The following KDM2A variants were observed in gnomAD, a reference collection of about 807,000 sequenced individuals.
KDM2A encodes lysine demethylase 2A, also known as lysine-specific demethylase 2A.
In KDM2A, 3 loss-of-function variants were observed where a neutral mutation model predicts 137.3. That is an observed-to-expected ratio of 0.02 (90% CI 0.01 to 0.06). The LOEUF (loss-of-function observed/expected upper bound fraction) is 0.06, where lower values mean the gene tolerates loss of function less well. KDM2A is among the 10% of genes least tolerant of loss of function. KDM2A has a pLI of 1.00. For missense variants in KDM2A, 738 were observed against 1,510.6 expected (o/e 0.49, Z 8.48); for synonymous variants, 512 against 541.5 (o/e 0.95, Z 0.76).
intron 2 of KDM2A, among the ~76,000 whole-genome samples, chr11:67,138,146 A>G (rs999829810): frequency 3.3e-5 from 5 of 152,146 alleles, no homozygotes; most frequent in Non-Finnish European, 7.3e-5. Flanking sequence ...TTGTTGAGTG[A>G]AATGCCGTTA....
chr11:67,211,574 A>G lies in KDM2A; in HGVS notation c.487-3766A>G, dbSNP rs147666119. Among the ~76,000 whole-genome samples the G allele has an allele frequency of 7.4e-3, 933 of 126,468 alleles. 12 individuals are homozygous for G. The highest frequency in any genetic ancestry group is 0.025 in the African/African-American group (863 of 34,290). 83.0% of individuals were successfully genotyped at this position (126,468 alleles called of 152,430 possible). On this transcript the variant is annotated intron_variant, in intron 6 of 20. Transcript: ENST00000529006. ...GGTTGCAGTGAGCCATGATCACACC[A>G]CTGCACTCCAGCCTGGGTGACACAG... is the stretch of plus-strand genomic sequence containing the variant.
chr11:67,202,272 T>C (rs1370879029), intron 5 of KDM2A, among the ~76,000 whole-genome samples: 2 of 152,184 alleles, frequency 1.3e-5, no homozygotes, highest in South Asian at 2.1e-4. Context: ...GTGGAGATGC[T>C]GTAAACATTG....
At chr11:67,125,267 A>C (rs1821124387) in intron 2 of KDM2A, among the ~76,000 whole-genome samples, 2 of 150,856 alleles carry the variant, frequency 1.3e-5, no homozygotes, top group African/African-American at 4.9e-5. Context: ...TGCAGCCTCG[A>C]CATCCTGGTC....
At chr11:67,137,460 TGATTCTATGATTGA>T (rs1180746369) in intron 2 of KDM2A, among the ~76,000 whole-genome samples, 19 of 152,262 alleles carry the variant, frequency 1.2e-4, no homozygotes, top group Admixed American at 9.2e-4. Context: ...GAGAGGAGAT[TGATTCTATGATTGA>T]GATTCTATGA....
At chr11:67,204,757 C>G (rs760699418) in intron 5 of KDM2A, among the ~76,000 whole-genome samples, 12 of 152,118 alleles carry the variant, frequency 7.9e-5, no homozygotes, top group Non-Finnish European at 1.5e-4. Flanking sequence ...TCCCAAAGTG[C>G]TGGGATTACA....
intron 2 of KDM2A, among the ~76,000 whole-genome samples, chr11:67,150,146 G>A (rs1565378820): frequency 6.6e-6 from 1 of 152,306 alleles, no homozygotes; most frequent in East Asian, 1.9e-4. Context: ...TAATTAAAGG[G>A]AAGAAACTAA....
intron 2 of KDM2A, among the ~76,000 whole-genome samples, chr11:67,163,724 TGC>T (rs1856684839): frequency 1.3e-5 from 2 of 151,904 alleles, no homozygotes; most frequent in African/African-American, 4.8e-5. Flanking sequence ...GGCGTGGTGG[TGC>T]GTACCTGTAA....
At position 67,169,310 on chromosome 11, in the gene KDM2A, A is replaced by T. The variant is rs888505227; in HGVS notation, c.43-10769A>T. 1.4e-4 allele frequency among the ~76,000 whole-genome samples: 21 copies of T among 151,696 alleles called. 1 individual carries two copies. Among genetic ancestry groups the T allele is most frequent in the Admixed American group, 4.6e-4 (7 of 15,238 alleles). Reference sequence around the variant, plus strand: ...ACAATGCCCTAAATTTTTTTTTTTTAAATCGTATCACAGTGTGAGACATGA... The same window carrying T: ...ACAATGCCCTAAATTTTTTTTTTTTTAATCGTATCACAGTGTGAGACATGA... On this transcript the variant is annotated intron_variant, in intron 2 of 20. Coordinates refer to ENST00000529006, the MANE Select transcript of KDM2A (RefSeq NM_012308.3).
chr11:67,158,757 C>T (rs12293258), intron 2 of KDM2A, among the ~76,000 whole-genome samples: 5 of 151,952 alleles, frequency 3.3e-5, no homozygotes, highest in African/African-American at 4.8e-5. Flanking sequence ...CCAAAGTGCT[C>T]GTATTATAGG....
At chr11:67,192,440 T>TC (rs1326583670) in intron 5 of KDM2A, among the ~76,000 whole-genome samples, 1 of 123,506 alleles carries the variant, frequency 8.1e-6, no homozygotes, top group African/African-American at 3.8e-5. Flanking sequence ...TTTCTTTTTT[T>TC]TTTTTTTTTT....
rs113642468 is a variant in KDM2A at position 67,172,523 on chromosome 11, T to A, written c.43-7556T>A. On this transcript the variant is annotated intron_variant, in intron 2 of 20. Coordinates refer to ENST00000529006, the MANE Select transcript of KDM2A (RefSeq NM_012308.3). ...GTTAAATTTATTCCTTAGTTTTTTTTATGCTATTATAAATGGATTTTTTTT... is the reference window on the plus strand; with the variant it reads ...GTTAAATTTATTCCTTAGTTTTTTTAATGCTATTATAAATGGATTTTTTTT... 5.6e-3 allele frequency among the ~76,000 whole-genome samples: 857 copies of A among 152,280 alleles called. 3 individuals are homozygous for A. The highest frequency in any genetic ancestry group is 0.02 in the African/African-American group (833 of 41,562).
intron 7 of KDM2A, 133 bp downstream of exon 7, chr11:67,215,579 T>A: frequency 1.5e-6 from 1 of 665,108 alleles, no homozygotes; most frequent in Middle Eastern, 3.7e-4. Context: ...AAGATGAGAC[T>A]TTACAGTTCC....
chr11:67,139,802 C>T lies in KDM2A; in HGVS notation c.42+18444C>T, dbSNP rs1026619429. On this transcript the variant is annotated intron_variant, in intron 2 of 20. Transcript: ENST00000529006. ...TTGGCTCACTGCAACCTTTGCCTCC[C>T]GGGTTCAAGTGATTCTTCTGCCTCA... Among the ~76,000 whole-genome samples the T allele has an allele frequency of 5.3e-5, 8 of 152,016 alleles. No homozygotes were observed. In the South Asian group the frequency reaches 6.2e-4, roughly 12 times the overall value.
intron 2 of KDM2A, among the ~76,000 whole-genome samples, chr11:67,178,384 G>C (rs904960343): frequency 6.6e-6 from 1 of 152,128 alleles, no homozygotes; most frequent in Admixed American, 6.6e-5. Context: ...CAGCCTGCGC[G>C]ACAGAGCACA....
chr11:67,145,816 T>G (rs534966011), intron 2 of KDM2A, among the ~76,000 whole-genome samples: 21 of 152,148 alleles, frequency 1.4e-4, no homozygotes, highest in Non-Finnish European at 2.4e-4. Context: ...TCATACATTT[T>G]CCTTCCTCTC....
At chr11:67,252,646 T>C in intron 17 of KDM2A, 48 bp from the exon 18 acceptor site, 2 of 1,605,058 alleles carry the variant, frequency 1.2e-6, no homozygotes, top group Non-Finnish European at 1.7e-6. Context: ...TGATGGGAGC[T>C]CCACTGATCA....
chr11:67,191,486 G>A (rs1857353152), intron 5 of KDM2A, among the ~76,000 whole-genome samples: 1 of 152,026 alleles, frequency 6.6e-6, no homozygotes, highest in African/African-American at 2.4e-5. Context: ...CATATTAAAA[G>A]GATTATACAC....
intron 5 of KDM2A, among the ~76,000 whole-genome samples, chr11:67,184,529 G>A (rs1055615345): frequency 2.0e-5 from 3 of 152,168 alleles, no homozygotes; most frequent in East Asian, 1.9e-4. Context: ...TCAGGAGGCT[G>A]AGGCAGGAGA....
intron 2 of KDM2A, among the ~76,000 whole-genome samples, chr11:67,123,947 G>GCCACTGGACC (rs1855657412): frequency 6.6e-6 from 1 of 151,828 alleles, no homozygotes; most frequent in African/African-American, 2.4e-5. Context: ...AAAGTGCTGA[G>GCCACTGGACC]ATTACAGGCA....
Sources: allele counts gnomAD v4.1 joint callset (sites outside exome capture counted in the v4.1 genomes callset), GRCh38; gene constraint gnomAD v4.1.1; transcripts MANE v1.5; gene names NCBI Gene and HGNC (gene_info 2026-07-23, HGNC 2026-07-21).